CCDC60: variants seen among roughly 807,000 people sequenced by gnomAD.
CCDC60 encodes the protein coiled-coil domain containing 60.
CCDC60 carries 54 observed loss-of-function variants against 63.5 expected under a neutral mutation model. That is an observed-to-expected ratio of 0.85 (90% CI 0.68 to 1.07). The LOEUF (loss-of-function observed/expected upper bound fraction) is 1.07, where lower values mean the gene tolerates loss of function less well. CCDC60 is among the 50% of genes least tolerant of loss of function. The probability of loss-of-function intolerance (pLI) is 0.00; values close to 1 mark genes in which losing one functional copy is unlikely to be tolerated. For missense variants in CCDC60, 651 were observed against 684.3 expected, an observed-to-expected ratio of 0.95 and a Z score of 0.54; for synonymous variants, 206 against 238.8, an observed-to-expected ratio of 0.86 and a Z score of 1.27.
At chr12:119,373,460 A>G (rs551998388) in intron 1 of CCDC60, among the ~76,000 whole-genome samples, 72 of 152,088 alleles carry the variant, frequency 4.7e-4, no homozygotes, top group Non-Finnish European at 8.8e-4. Flanking sequence ...GCTTATCACA[A>G]TTGAGGCACT....
intron 7 of CCDC60, among the ~76,000 whole-genome samples, chr12:119,507,598 A>ATTTTTTTTTTTTTTT (rs1566050662): frequency 5.2e-5 from 1 of 19,092 alleles, no homozygotes; most frequent in African/African-American, 3.9e-4. Flanking sequence ...ATACATATAT[A>ATTTTTTTTTTTTTTT]TATATATATA....
intron 1 of CCDC60, among the ~76,000 whole-genome samples, chr12:119,399,751 T>C (rs1204466599): frequency 6.6e-6 from 1 of 152,128 alleles, no homozygotes; most frequent in Non-Finnish European, 1.5e-5. Flanking sequence ...TCGCACCCTG[T>C]GTTCATGTGG....
intron 1 of CCDC60, among the ~76,000 whole-genome samples, chr12:119,337,818 GTGTATT>G (rs1307728250): frequency 2.3e-5 from 3 of 128,682 alleles, no homozygotes; most frequent in Non-Finnish European, 3.3e-5. Context: ...ATGTGTGTGT[GTGTATT>G]TGTGTGTGTG....
chr12:119,451,199 A>T (rs918927101), intron 2 of CCDC60, among the ~76,000 whole-genome samples: 1 of 152,376 alleles, frequency 6.6e-6, no homozygotes, highest in Admixed American at 6.5e-5. Context: ...CAAGATGTAC[A>T]TCTGCACCTT....
At position 119,505,097 on chromosome 12, in the gene CCDC60, G is replaced by C. The variant is rs771418550; in HGVS notation, c.677G>C (p.Arg226Pro). The C allele has an allele frequency of 1.2e-6, 2 of 1,604,224 alleles. No homozygotes were observed. The highest frequency in any genetic ancestry group is 2.7e-5 in the African/African-American group (2 of 74,450). ...KTKKFKIPTM[R>P]VTNRKPSRRG... ...AAGAAATTCAAAATTCCCACAATGCGAGTCACCAACCGCAAACCAAGCCGG... is the reference window on the plus strand; with the variant it reads ...AAGAAATTCAAAATTCCCACAATGCCAGTCACCAACCGCAAACCAAGCCGG... Residue 226 changes from arginine to proline, a missense_variant, in exon 7 of 14, where the codon CGA (arginine) becomes CCA (proline). Coordinates refer to ENST00000327554, the MANE Select transcript of CCDC60 (RefSeq NM_178499.5).
intron 10 of CCDC60, 73 bp from the exon 11 acceptor site, chr12:119,523,620 C>A: frequency 6.3e-7 from 1 of 1,594,754 alleles, no homozygotes; most frequent in Non-Finnish European, 8.5e-7. Flanking sequence ...TAAGGGGGGC[C>A]AGAGTGGGAC....
At chr12:119,339,827 A>G (rs1955513729) in intron 1 of CCDC60, among the ~76,000 whole-genome samples, 1 of 152,148 alleles carries the variant, frequency 6.6e-6, no homozygotes, top group Non-Finnish European at 1.5e-5. Context: ...ACCAACCAAT[A>G]AAAGAGCAGA....
chr12:119,368,127 G>A (rs1405625903), intron 1 of CCDC60, among the ~76,000 whole-genome samples: 1 of 123,916 alleles, frequency 8.1e-6, no homozygotes, highest in Admixed American at 8.7e-5. Context: ...AGGAAAGAAG[G>A]AAGAAGGAAG....
At chr12:119,386,122 C>G (rs1336525332) in intron 1 of CCDC60, among the ~76,000 whole-genome samples, 1 of 152,156 alleles carries the variant, frequency 6.6e-6, no homozygotes, top group African/African-American at 2.4e-5. Flanking sequence ...AGGCGGCAAG[C>G]CTTGGTTTTT....
intron 1 of CCDC60, among the ~76,000 whole-genome samples, chr12:119,335,791 CTCT>C (rs1302451344): frequency 2.0e-5 from 3 of 151,566 alleles, no homozygotes; most frequent in African/African-American, 7.3e-5. Flanking sequence ...TGTACAGAAG[CTCT>C]TTAGTTTAAT....
chr12:119,480,950 T>G (rs1208006624), intron 4 of CCDC60, among the ~76,000 whole-genome samples: 1 of 147,184 alleles, frequency 6.8e-6, no homozygotes, highest in East Asian at 2.0e-4. Context: ...ACCACCATCA[T>G]CACCATCATC....
chr12:119,347,042 C>T (rs911978364), intron 1 of CCDC60, among the ~76,000 whole-genome samples: 2 of 152,050 alleles, frequency 1.3e-5, no homozygotes, highest in East Asian at 1.9e-4. Flanking sequence ...TCAAGCTGGT[C>T]TCAAACTCCT....
At chr12:119,382,975 TG>T (rs1281191682) in intron 1 of CCDC60, among the ~76,000 whole-genome samples, 1 of 152,224 alleles carries the variant, frequency 6.6e-6, no homozygotes, top group Admixed American at 6.5e-5. Context: ...GGAACCTCTT[TG>T]TGCTTGCCTG....
intron 2 of CCDC60, among the ~76,000 whole-genome samples, chr12:119,438,690 CTA>C (rs1229950779): frequency 1.3e-4 from 20 of 152,248 alleles, no homozygotes; most frequent in African/African-American, 4.8e-4. Context: ...CTTTTTTATG[CTA>C]GCTGTCTTGA....
intron 5 of CCDC60, among the ~76,000 whole-genome samples, chr12:119,493,920 G>A (rs1166728964): frequency 2.6e-5 from 4 of 151,954 alleles, no homozygotes; most frequent in African/African-American, 9.7e-5. Context: ...TCCCAGAGGG[G>A]CCTGTCATCA....
chr12:119,482,145 C>CACACACACAGAT lies in CCDC60; in HGVS notation c.449+2953_449+2954insGATACACACACA, dbSNP rs1566034190. Among the ~76,000 whole-genome samples the CACACACACAGAT allele has an allele frequency of 4.6e-4, 64 of 139,448 alleles. No homozygotes were observed. In the South Asian group the frequency reaches 0.014, roughly 30 times the overall value. The allele number at this position is 139,448 out of a possible 152,430, so 91.5% of individuals were successfully genotyped here. The stretch of plus-strand genomic sequence containing the variant: ...ATACATATATATACACATATATATA[C>CACACACACAGAT]ACACACACACACATACACACACACA... On this transcript the variant is annotated intron_variant, in intron 4 of 13. Coordinates refer to ENST00000327554, the MANE Select transcript of CCDC60 (RefSeq NM_178499.5).
chr12:119,494,162 G>A (rs1184290981), intron 5 of CCDC60, among the ~76,000 whole-genome samples: 2 of 152,122 alleles, frequency 1.3e-5, no homozygotes, highest in African/African-American at 2.4e-5. Context: ...AGAACCAACC[G>A]AAGACCTACC....
At chr12:119,412,769 C>A (rs2136200578) in intron 1 of CCDC60, among the ~76,000 whole-genome samples, 2 of 126,864 alleles carry the variant, frequency 1.6e-5, no homozygotes, top group South Asian at 3.6e-4. Context: ...CCCCACCCCC[C>A]CCCACCCCCC....
intron 1 of CCDC60, among the ~76,000 whole-genome samples, chr12:119,336,688 A>G (rs1476762620): frequency 6.6e-6 from 1 of 152,244 alleles, no homozygotes; most frequent in East Asian, 1.9e-4. Flanking sequence ...AATTTAGAAC[A>G]GGAACATCAA....
Sources: allele counts gnomAD v4.1 joint callset (sites outside exome capture counted in the v4.1 genomes callset), GRCh38; gene constraint gnomAD v4.1.1; transcripts MANE v1.5; gene names NCBI Gene and HGNC (gene_info 2026-07-23, HGNC 2026-07-21).